The following PABIR3 variants were observed in gnomAD, a reference collection of about 807,000 sequenced individuals.
The protein encoded by PABIR3 is PABIR family member 3, also known as PABIR family member 1.
PABIR3 carries 20 observed loss-of-function variants against 23.1 expected under a neutral mutation model. That is an observed-to-expected ratio of 0.86 (90% CI 0.61 to 1.26). The LOEUF is 1.26. Among genes scored for constraint, PABIR3 ranks in the 50% most tolerant of loss-of-function variants. The pLI is 0.00. For synonymous variants in PABIR3, 69 were observed against 68.5 expected, an observed-to-expected ratio of 1.01 and a Z score of -0.04; for missense variants, 189 against 195.4, an observed-to-expected ratio of 0.97 and a Z score of 0.20.
intron 4 of PABIR3, chrX:134,833,262 C>A (rs2081870050): frequency 9.0e-6 from 1 of 111,648 alleles, no homozygotes; most frequent in Admixed American, 9.6e-5. Flanking sequence ...TTTGTACATC[C>A]TTTTTCATCG....
intron 9 of PABIR3, among the ~76,000 whole-genome samples, chrX:134,851,184 C>T (rs1175415379): frequency 9.0e-6 from 1 of 110,633 alleles, no homozygotes; most frequent in Non-Finnish European, 1.9e-5. Context: ...TTAGAGTCTC[C>T]AAAGCATATG....
At chrX:134,812,980 A>G (rs1009433506) in intron 2 of PABIR3, among the ~76,000 whole-genome samples, 1 of 111,660 alleles carries the variant, frequency 9.0e-6, no homozygotes, top group Non-Finnish European at 1.9e-5. Context: ...GTCATTATGT[A>G]GTTGTTAATT....
rs1050280680 is a variant in PABIR3 at position 134,854,201 on chromosome X, G to T, written c.797G>T (p.Gly266Val). The change falls in exon 11 of 11, where the codon GGT becomes GTT. Residue 266 changes from glycine to valine, a missense_variant. By Grantham distance (109) the Gly-to-Val change is moderately radical (BLOSUM62 -3). Transcript: ENST00000645433. ...TCTCCTGTGTCACCTTCTGATACTGGTTCTCATTTGTTCTAGTAGACAAAC... is the reference window on the plus strand; with the variant it reads ...TCTCCTGTGTCACCTTCTGATACTGTTTCTCATTTGTTCTAGTAGACAAAC... ...TNSPVSPSDT[G>V]SHLF 1 of 1,206,805 alleles carries T rather than the reference G, an allele frequency of 8.3e-7. No individual in the cohort carries two copies. Among genetic ancestry groups the T allele is most frequent in the Non-Finnish European group, 1.1e-6 (1 of 893,961 alleles).
At chrX:134,824,157 C>G (rs1461810617) in intron 3 of PABIR3, among the ~76,000 whole-genome samples, 1 of 111,691 alleles carries the variant, frequency 9.0e-6, no homozygotes, top group Non-Finnish European at 1.9e-5. Flanking sequence ...ATAGGTCAAT[C>G]GAAAGAGCCT....
intron 3 of PABIR3, among the ~76,000 whole-genome samples, chrX:134,828,746 G>A (rs184615461): frequency 8.9e-6 from 1 of 111,978 alleles, no homozygotes; most frequent in Non-Finnish European, 1.9e-5. Flanking sequence ...ATGAAAGTTT[G>A]GTTTCCCAGC....
chrX:134,849,617 T>A (rs1430231383), intron 9 of PABIR3, among the ~76,000 whole-genome samples: 1 of 111,223 alleles, frequency 9.0e-6, no homozygotes. Context: ...CACATTGCTA[T>A]CATATGAATA....
intron 3 of PABIR3, among the ~76,000 whole-genome samples, chrX:134,819,006 G>A (rs1404493049): frequency 2.1e-5 from 2 of 97,494 alleles, no homozygotes; most frequent in African/African-American, 3.9e-5. Context: ...ACGTGATCTC[G>A]GCTCACTGCA....
chrX:134,824,499 T>A (rs1206643146), intron 3 of PABIR3, among the ~76,000 whole-genome samples: 1 of 112,066 alleles, frequency 8.9e-6, no homozygotes, highest in Admixed American at 9.5e-5. Context: ...CCTATTTCTG[T>A]TAAAAACAAA....
At chrX:134,810,768 G>A (rs2080609316) in intron 2 of PABIR3, 21 of 750,254 alleles carry the variant, frequency 2.8e-5, no homozygotes, top group Non-Finnish European at 3.3e-5. Context: ...GGCCAGTAAA[G>A]CATTCTTTTC....
downstream of PABIR3, among the ~76,000 whole-genome samples, chrX:134,856,758 C>G (rs1307989545): frequency 1.8e-5 from 2 of 110,586 alleles, no homozygotes; most frequent in African/African-American, 6.6e-5. Flanking sequence ...CACCTGTAAT[C>G]CCAGCACTTT....
intron 10 of PABIR3, 81 bp from the exon 11 acceptor site, chrX:134,854,010 G>C: frequency 9.7e-7 from 1 of 1,027,952 alleles, no homozygotes; most frequent in Non-Finnish European, 1.3e-6. Context: ...CATGTATTTT[G>C]CATTCATGTG....
intron 3 of PABIR3, among the ~76,000 whole-genome samples, chrX:134,825,828 CTTTTTTTTTT>C (rs61066719): frequency 1.2e-4 from 9 of 73,833 alleles, no homozygotes; most frequent in Non-Finnish European, 1.8e-4. Flanking sequence ...ACGCCCGGAT[CTTTTTTTTTT>C]TTTTTTTTTT....
intron 3 of PABIR3, among the ~76,000 whole-genome samples, chrX:134,816,488 T>C (rs2080984667): frequency 9.0e-6 from 1 of 111,365 alleles, no homozygotes; most frequent in African/African-American, 3.3e-5. Context: ...GCCCAGCTAA[T>C]TTTTTGTACT....
At chrX:134,861,698 A>T in the PABIR3 span, among the ~76,000 whole-genome samples, 1 of 107,741 alleles carries the variant, frequency 9.3e-6, no homozygotes, top group Non-Finnish European at 1.9e-5. Context: ...AAAAAAGTAA[A>T]GGTTTGCTTT....
downstream of PABIR3, among the ~76,000 whole-genome samples, chrX:134,855,698 C>A (rs186330543): frequency 3.2e-3 from 351 of 110,625 alleles, 3 homozygotes; most frequent in Non-Finnish European, 5.0e-3. Flanking sequence ...TGACAGTGAC[C>A]CTGATGGAAC....
In PABIR3 at chrX:134,819,386, A is replaced by T. The variant is rs967918547; in HGVS notation, c.189+4537A>T. Among the ~76,000 whole-genome samples the T allele has an allele frequency of 2.7e-5, 3 of 111,801 alleles. No homozygotes were observed. The East Asian group carries it at 8.4e-4, about 31-fold the overall frequency. ...AATTGAAGTCATTTTAACTTATTGG[A>T]TGATGGGGATTTCAAGGCTTGTTGG... is the stretch of plus-strand genomic sequence containing the variant. On this transcript the variant is annotated intron_variant, in intron 3 of 10. Transcript: ENST00000645433.
chrX:134,861,693 A>G, the PABIR3 span, among the ~76,000 whole-genome samples: 2 of 107,329 alleles, frequency 1.9e-5, no homozygotes, highest in Non-Finnish European at 3.8e-5. Flanking sequence ...AAAAAAAAAA[A>G]GTAAAGGTTT....
chrX:134,825,422 G>A (rs901851258), intron 3 of PABIR3, among the ~76,000 whole-genome samples: 25 of 111,963 alleles, frequency 2.2e-4, no homozygotes, highest in Non-Finnish European at 5.6e-5. Context: ...TTAAATAGAT[G>A]CTTAAAACAG....
intron 1 of PABIR3, among the ~76,000 whole-genome samples, chrX:134,801,587 G>A (rs1299477707): frequency 1.8e-5 from 2 of 112,326 alleles, no homozygotes; most frequent in Admixed American, 9.4e-5. Context: ...GGGGTTTTTC[G>A]TCATTCATGC....
Sources: allele counts gnomAD v4.1 joint callset (sites outside exome capture counted in the v4.1 genomes callset), GRCh38; gene constraint gnomAD v4.1.1; transcripts MANE v1.5; gene names NCBI Gene and HGNC (gene_info 2026-07-23, HGNC 2026-07-21).